GNPAT: variants seen among roughly 807,000 people sequenced by gnomAD.
GNPAT encodes dihydroxyacetone phosphate acyltransferase.
In GNPAT, 30 loss-of-function variants were observed where a neutral mutation model predicts 78.4. That is an observed-to-expected ratio of 0.38 (90% CI 0.29 to 0.52). The LOEUF (loss-of-function observed/expected upper bound fraction) is 0.52, where lower values mean the gene tolerates loss of function less well. Ranked by LOEUF, GNPAT falls within the 20% of genes least tolerant of loss-of-function variation. The probability of loss-of-function intolerance (pLI) is 0.84; values close to 1 mark genes in which losing one functional copy is unlikely to be tolerated. For synonymous variants in GNPAT, 271 were observed against 281.1 expected (o/e 0.96, Z 0.36); for missense variants, 714 against 812.2 (o/e 0.88, Z 1.47).
chr1:231,243,433 C>T (rs1044503170), intron 1 of GNPAT, among the ~76,000 whole-genome samples: 1 of 152,136 alleles, frequency 6.6e-6, no homozygotes, highest in African/African-American at 2.4e-5. Context: ...AAGCGATTCT[C>T]CTGCCTCAGC....
chr1:231,273,068 G>C (rs1404550268), intron 11 of GNPAT, among the ~76,000 whole-genome samples: 1 of 152,116 alleles, frequency 6.6e-6, no homozygotes, highest in Non-Finnish European at 1.5e-5. Flanking sequence ...CTTTTACTTT[G>C]AGAGTAGTGA....
At chr1:231,266,557 T>G (rs545599912) in intron 8 of GNPAT, 150 bp downstream of exon 8, 1 of 746,694 alleles carries the variant, frequency 1.3e-6, no homozygotes, top group Non-Finnish European at 2.3e-6. Context: ...TTTTCATCAG[T>G]GGAAACCTTC....
At position 231,262,710 on chromosome 1, in the gene GNPAT, A is replaced by G; in HGVS notation, c.439-13A>G. On this transcript the variant is annotated splice_polypyrimidine_tract_variant and intron_variant, in intron 3 of 15. Coordinates refer to ENST00000366647, the MANE Select transcript of GNPAT (RefSeq NM_014236.4). ...CAACTGAAATTATTCAAAATGTAACATTTACTTTCAAGCTACAAAGAGCCA... is the reference window on the plus strand; with the variant it reads ...CAACTGAAATTATTCAAAATGTAACGTTTACTTTCAAGCTACAAAGAGCCA... The G allele has an allele frequency of 6.2e-7, 1 of 1,600,734 alleles. No individual in the cohort carries two copies. Among genetic ancestry groups the G allele is most frequent in the South Asian group, 1.1e-5 (1 of 90,824 alleles).
intron 3 of GNPAT, among the ~76,000 whole-genome samples, chr1:231,262,416 G>A (rs1043391600): frequency 3.3e-5 from 5 of 152,180 alleles, no homozygotes; most frequent in Non-Finnish European, 5.9e-5. Context: ...AACAAAGCAC[G>A]TAAGATAACT....
Position 231,267,890 on chromosome 1 carries a change from T to A in GNPAT, c.1266T>A (p.Phe422Leu). Residue 422 changes from phenylalanine (F) to leucine (L), a missense_variant, in exon 9 of 16, where the codon TTT (phenylalanine) becomes TTA (leucine). By Grantham distance (22) the Phe-to-Leu change is conservative. Coordinates refer to ENST00000366647, the MANE Select transcript of GNPAT (RefSeq NM_014236.4). ...LKGLTQAFGG[F>L]LIWPDNKPAE... ...GCTTAACCCAGGCATTTGGAGGGTT[T>A]CTCATTTGGCCTGGTATGTAGGTAG... 6.2e-7 allele frequency: 1 copy of A among 1,604,288 alleles called. No homozygotes were observed. Among genetic ancestry groups the A allele is most frequent in the Non-Finnish European group, 8.5e-7 (1 of 1,170,984 alleles).
intron 1 of GNPAT, 121 bp from the exon 2 acceptor site, chr1:231,250,840 C>A (rs1289451287): frequency 4.3e-6 from 3 of 704,772 alleles, no homozygotes; most frequent in African/African-American, 1.8e-5. Context: ...TCAGAACACT[C>A]TGCTCCTGTT....
At chr1:231,270,684 A>G in intron 9 of GNPAT, 74 bp from the exon 10 acceptor site, 1 of 1,413,624 alleles carries the variant, frequency 7.1e-7, no homozygotes, top group Middle Eastern at 1.8e-4. Context: ...TACCATTAAT[A>G]ACGTTAACGT....
intron 1 of GNPAT, among the ~76,000 whole-genome samples, chr1:231,247,791 GT>G (rs1016967143): frequency 6.6e-6 from 1 of 152,220 alleles, no homozygotes; most frequent in African/African-American, 2.4e-5. Context: ...CACGTAGTGT[GT>G]TTAGGGAACT....
At chr1:231,254,095 A>G (rs1684975747) in intron 2 of GNPAT, among the ~76,000 whole-genome samples, 1 of 152,194 alleles carries the variant, frequency 6.6e-6, no homozygotes. Flanking sequence ...TACTGGCATG[A>G]GCCACCATGC....
chr1:231,250,573 T>G (rs1684867054), intron 1 of GNPAT, among the ~76,000 whole-genome samples: 1 of 152,212 alleles, frequency 6.6e-6, no homozygotes, highest in Non-Finnish European at 1.5e-5. Flanking sequence ...TTTCAAATGT[T>G]TGTTTTAATG....
chr1:231,271,295 TC>T (rs1381536363), intron 10 of GNPAT, among the ~76,000 whole-genome samples: 2 of 152,240 alleles, frequency 1.3e-5, no homozygotes, highest in Admixed American at 1.3e-4. Context: ...GTTCTCCACT[TC>T]CTGGTCTGCG....
chr1:231,242,763 T>C (rs1156959004), intron 1 of GNPAT, among the ~76,000 whole-genome samples: 1 of 152,262 alleles, frequency 6.6e-6, no homozygotes, highest in Non-Finnish European at 1.5e-5. Context: ...TGTTTGTTTG[T>C]TTGTTTTACT....
At position 231,277,612 on chromosome 1, in the gene GNPAT, A is replaced by T; in HGVS notation, c.*70A>T. On this transcript the variant is annotated 3_prime_UTR_variant, in exon 16 of 16. Transcript: ENST00000366647. ...CATCGAAGGACTCATTACAACAAACAGGGAAGTAAAGGAAGAGACACATCC... is the reference window on the plus strand; with the variant it reads ...CATCGAAGGACTCATTACAACAAACTGGGAAGTAAAGGAAGAGACACATCC... 1 of 886,988 alleles carries T rather than the reference A, an allele frequency of 1.1e-6. No homozygotes were observed. The highest frequency in any genetic ancestry group is 1.7e-5 in the Admixed American group (1 of 59,060). 54.9% of individuals were successfully genotyped at this position (886,988 alleles called of 1,614,324 possible). A position where few individuals can be genotyped will look rare whatever the true frequency, so the allele number is the denominator to read the frequency against.
intron 10 of GNPAT, among the ~76,000 whole-genome samples, chr1:231,271,835 G>A (rs578260769): frequency 6.6e-6 from 1 of 152,296 alleles, no homozygotes; most frequent in South Asian, 2.1e-4. Flanking sequence ...GGGCGCAGTG[G>A]CTCACGCCTG....
intron 2 of GNPAT, among the ~76,000 whole-genome samples, chr1:231,258,581 G>A (rs1685129676): frequency 6.8e-6 from 1 of 147,320 alleles, no homozygotes; most frequent in South Asian, 2.2e-4. Flanking sequence ...ACTTAAAAAT[G>A]GTTAAAATGG....
At position 231,275,218 on chromosome 1, in the gene GNPAT, C is replaced by G; in HGVS notation, c.1744-3C>G. On this transcript the variant is annotated splice_region_variant and splice_polypyrimidine_tract_variant and intron_variant, in intron 12 of 15. Transcript: ENST00000366647. ...TTCCCCTCATCCTTCCTCTTAAAATCAGATAATTTGCAAGTACCTTTTGAG... is the reference window on the plus strand; with the variant it reads ...TTCCCCTCATCCTTCCTCTTAAAATGAGATAATTTGCAAGTACCTTTTGAG... 3 of 1,557,924 alleles carry G rather than the reference C, an allele frequency of 1.9e-6. No homozygotes were observed. The highest frequency in any genetic ancestry group is 2.7e-6 in the Non-Finnish European group (3 of 1,128,580).
At chr1:231,250,584 T>C (rs1684867115) in intron 1 of GNPAT, among the ~76,000 whole-genome samples, 1 of 152,198 alleles carries the variant, frequency 6.6e-6, no homozygotes, top group African/African-American at 2.4e-5. Flanking sequence ...TGTTTTAATG[T>C]AATTTTTAAA....
intron 1 of GNPAT, among the ~76,000 whole-genome samples, chr1:231,248,935 A>G (rs1487953258): frequency 3.3e-5 from 5 of 152,094 alleles, no homozygotes; most frequent in Admixed American, 3.3e-4. Flanking sequence ...GTGTAAACAC[A>G]CTCTGTGATG....
chr1:231,248,138 G>C (rs1034411127), intron 1 of GNPAT, among the ~76,000 whole-genome samples: 1 of 152,098 alleles, frequency 6.6e-6, no homozygotes, highest in Non-Finnish European at 1.5e-5. Context: ...AATAACTCTT[G>C]ACTCTCCAAA....
Sources: gnomAD v4.1 joint callset for allele counts (sites outside exome capture counted in the v4.1 genomes callset) on GRCh38, gnomAD v4.1.1 for gene constraint, MANE v1.5 for transcripts, NCBI Gene and HGNC (gene_info 2026-07-23, HGNC 2026-07-21) for gene names.